The following TMCC3 variants were observed in gnomAD, a reference collection of about 807,000 sequenced individuals.
The protein encoded by TMCC3 is transmembrane and coiled-coil domain family 3, also known as transmembrane and coiled-coil domain protein 3.
In TMCC3, 28 loss-of-function variants were observed where a neutral mutation model predicts 40.2. That is an observed-to-expected ratio of 0.70 (90% CI 0.52 to 0.95). The LOEUF (loss-of-function observed/expected upper bound fraction) is 0.95, where lower values mean the gene tolerates loss of function less well. Among genes scored for constraint, TMCC3 ranks in the 40% least tolerant of loss-of-function variants. TMCC3 has a pLI of 0.00. For missense variants in TMCC3, 554 were observed against 615.2 expected, an observed-to-expected ratio of 0.90 and a Z score of 1.05; for synonymous variants, 255 against 248.5, an observed-to-expected ratio of 1.03 and a Z score of -0.25.
rs539243381 is a variant in TMCC3, at chr12:94,592,501, G to T, written c.79-9963C>A. On this transcript the variant is annotated intron_variant, in intron 1 of 3. Coordinates refer to ENST00000261226, the MANE Select transcript of TMCC3 (RefSeq NM_020698.4). ...CTAAAAATGCAAAAAAAAATGAGCC[G>T]GGTGTGGTGGCAGGTGCCTGTAATC... Among the ~76,000 whole-genome samples the T allele has an allele frequency of 2.7e-5, 4 of 150,126 alleles. No individual in the cohort carries two copies. In the East Asian group the frequency reaches 5.9e-4, roughly 22 times the overall value.
chr12:94,575,923 T>A (rs554674635), intron 3 of TMCC3, among the ~76,000 whole-genome samples: 10 of 152,226 alleles, frequency 6.6e-5, no homozygotes, highest in African/African-American at 2.4e-4. Flanking sequence ...GCTAAGTTTA[T>A]AGGCATGCCA....
intron 1 of TMCC3, among the ~76,000 whole-genome samples, chr12:94,629,444 C>T (rs890339801): frequency 6.6e-6 from 1 of 152,350 alleles, no homozygotes; most frequent in African/African-American, 2.4e-5. Flanking sequence ...GTGGGTCTGT[C>T]CTCCCCAGCC....
intron 1 of TMCC3, among the ~76,000 whole-genome samples, chr12:94,590,260 A>ATT (rs72186655): frequency 0.2 from 17,240 of 85,202 alleles, 2,494 homozygotes; most frequent in African/African-American, 0.22. Context: ...CGCCCTGCTA[A>ATT]TTTTTTTTTT....
rs77781806 is a variant in TMCC3, at chr12:94,594,850, T to C, written c.79-12312A>G. 7.8e-3 allele frequency among the ~76,000 whole-genome samples: 1,193 copies of C among 152,288 alleles called. 7 individuals are homozygous for C. The highest frequency in any genetic ancestry group is 0.011 in the Non-Finnish European group (780 of 68,014). ...CTTCTTAGAAGGGACCTGTACTTAG[T>C]GTAAGTTTCTAAACGATAGTTACAA... On this transcript the variant is annotated intron_variant, in intron 1 of 3. Transcript: ENST00000261226.
At chr12:94,573,703 G>A (rs1307829815) in intron 3 of TMCC3, among the ~76,000 whole-genome samples, 1 of 152,128 alleles carries the variant, frequency 6.6e-6, no homozygotes, top group Admixed American at 6.6e-5. Flanking sequence ...TGAATGACTG[G>A]AATTACAAGT....
intron 1 of TMCC3, among the ~76,000 whole-genome samples, chr12:94,610,412 A>T (rs1171526446): frequency 6.6e-6 from 1 of 151,654 alleles, no homozygotes; most frequent in Non-Finnish European, 1.5e-5. Context: ...ATAGTTCTGA[A>T]AACACCTTAA....
At chr12:94,588,825 A>AT (rs77963963) in intron 1 of TMCC3, among the ~76,000 whole-genome samples, 8,742 of 141,568 alleles carry the variant, frequency 0.062, 650 homozygotes, top group African/African-American at 0.18. Context: ...TCGGTATGAG[A>AT]TTTTTTTTTT....
chr12:94,646,737 C>CTTT lies in TMCC3; in HGVS notation c.78+3613_78+3615dup, dbSNP rs56738383. Among the ~76,000 whole-genome samples the CTTT allele has an allele frequency of 6.5e-3, 856 of 131,722 alleles. 12 individuals carry two copies. The highest frequency in any genetic ancestry group is 0.019 in the African/African-American group (711 of 36,610). 86.4% of individuals were successfully genotyped at this position (131,722 alleles called of 152,430 possible). A position where few individuals can be genotyped will look rare whatever the true frequency, so the allele number is the denominator to read the frequency against. On this transcript the variant is annotated intron_variant, in intron 1 of 3. Coordinates refer to ENST00000261226, the MANE Select transcript of TMCC3 (RefSeq NM_020698.4). ...TACAGGCGTGAGCCACCGTGCCTGG[C>CTTT]TTTTTTTTTTTTTTTTAAAAAACAA...
At chr12:94,609,883 CT>C (rs1372445137) in intron 1 of TMCC3, 1 of 152,162 alleles carries the variant, frequency 6.6e-6, no homozygotes, top group East Asian at 1.9e-4. Context: ...GGATACTTAT[CT>C]TCTTTCATAT....
intron 1 of TMCC3, among the ~76,000 whole-genome samples, chr12:94,609,132 G>A (rs1209966651): frequency 6.6e-6 from 1 of 152,044 alleles, no homozygotes; most frequent in Non-Finnish European, 1.5e-5. Context: ...GAAGGCTCAG[G>A]CAGGAAGATC....
intron 3 of TMCC3, among the ~76,000 whole-genome samples, chr12:94,573,215 T>C (rs1435043395): frequency 8.0e-6 from 1 of 124,634 alleles, no homozygotes; most frequent in African/African-American, 2.9e-5. Context: ...CCTGATACCC[T>C]TCTCATCCAA....
chr12:94,585,929 C>T (rs943205741), intron 1 of TMCC3, among the ~76,000 whole-genome samples: 1 of 152,120 alleles, frequency 6.6e-6, no homozygotes, highest in Non-Finnish European at 1.5e-5. Flanking sequence ...ACGTACTTCC[C>T]TAGGAGGCTG....
chr12:94,650,277 G>A, intron 1 of TMCC3, 76 bp downstream of exon 1: 2 of 959,868 alleles, frequency 2.1e-6, no homozygotes, highest in Middle Eastern at 4.0e-4. Context: ...GCGTGGGTTA[G>A]CACTGAGCCG....
At chr12:94,640,599 G>A (rs939396938) in intron 1 of TMCC3, among the ~76,000 whole-genome samples, 3 of 152,180 alleles carry the variant, frequency 2.0e-5, no homozygotes, top group African/African-American at 7.2e-5. Flanking sequence ...AACTGATTTA[G>A]AAATATCAAG....
At position 94,650,397 on chromosome 12, in the gene TMCC3, G is replaced by C; in HGVS notation, c.34C>G (p.Arg12Gly). 1 of 1,333,362 alleles carries C rather than the reference G, an allele frequency of 7.5e-7. No individual in the cohort carries two copies. The highest frequency in any genetic ancestry group is 9.7e-7 in the Non-Finnish European group (1 of 1,033,574). 82.6% of individuals were successfully genotyped at this position (1,333,362 alleles called of 1,614,324 possible). The change falls in exon 1 of 4, where the codon CGG (arginine) becomes GGG (glycine). Residue 12 changes from arginine (R) to glycine (G), a missense_variant. Physicochemically the swap from Arg to Gly is moderately radical, Grantham distance 125. Transcript: ENST00000261226. ...TGCCGGCCGGGGTACGAGTAGGTCC[G>C]GTCCACGGTGAGCGCCGTGTCGCTG... ...PGSDTALTVDRTYSYPGRHHR... is the reference protein window; with the variant it reads ...PGSDTALTVDGTYSYPGRHHR...
At chr12:94,606,221 A>G (rs1014937076) in intron 1 of TMCC3, among the ~76,000 whole-genome samples, 1 of 152,180 alleles carries the variant, frequency 6.6e-6, no homozygotes, top group Non-Finnish European at 1.5e-5. Flanking sequence ...CTATTATGGA[A>G]CTACTGCCTG....
chr12:94,610,663 A>T (rs2068810731), intron 1 of TMCC3, among the ~76,000 whole-genome samples: 1 of 152,224 alleles, frequency 6.6e-6, no homozygotes, highest in African/African-American at 2.4e-5. Context: ...TACAATGGGA[A>T]ATGATGCAGC....
At chr12:94,575,855 G>T (rs2068561365) in intron 3 of TMCC3, among the ~76,000 whole-genome samples, 1 of 152,088 alleles carries the variant, frequency 6.6e-6, no homozygotes, top group East Asian at 1.9e-4. Flanking sequence ...CTGGAGTGCA[G>T]TGGTGTGATC....
At chr12:94,598,165 C>A (rs2068729660) in intron 1 of TMCC3, among the ~76,000 whole-genome samples, 1 of 152,174 alleles carries the variant, frequency 6.6e-6, no homozygotes, top group Admixed American at 6.5e-5. Flanking sequence ...TTAAAACTCC[C>A]ATCTTCTCAG....
Sources: allele counts gnomAD v4.1 joint callset (sites outside exome capture counted in the v4.1 genomes callset), GRCh38; gene constraint gnomAD v4.1.1; transcripts MANE v1.5; gene names NCBI Gene and HGNC (gene_info 2026-07-23, HGNC 2026-07-21).